SLC44A5: variants seen among roughly 807,000 people sequenced by gnomAD.
SLC44A5 encodes the protein choline transporter-like protein 5.
Under a neutral mutation model 101.8 loss-of-function variants are expected in SLC44A5, and 57 were observed. The observed-to-expected ratio is 0.56, with a 90% CI of 0.45 to 0.70. SLC44A5 has a LOEUF of 0.70. Ranked by LOEUF, SLC44A5 falls within the 30% of genes least tolerant of loss-of-function variation. The probability of loss-of-function intolerance (pLI) is 0.00; values close to 1 mark genes in which losing one functional copy is unlikely to be tolerated. For missense variants in SLC44A5, 737 were observed against 853.1 expected, an observed-to-expected ratio of 0.86 and a Z score of 1.70; for synonymous variants, 281 against 290.9, an observed-to-expected ratio of 0.97 and a Z score of 0.35.
intron 4 of SLC44A5, among the ~76,000 whole-genome samples, chr1:75,338,075 T>C (rs1164824241): frequency 3.9e-5 from 6 of 152,184 alleles, no homozygotes; most frequent in African/African-American, 7.2e-5. Context: ...CAACTATGTC[T>C]TCCTGTATTT....
chr1:75,404,248 G>A (rs1341085053), intron 2 of SLC44A5, among the ~76,000 whole-genome samples: 1 of 152,136 alleles, frequency 6.6e-6, no homozygotes, highest in Non-Finnish European at 1.5e-5. Context: ...GTGACCAGGA[G>A]AATGGAACCA....
At chr1:75,702,179 A>C in the SLC44A5 span, among the ~76,000 whole-genome samples, 39,744 of 152,070 alleles carry the variant, frequency 0.26, 6,458 homozygotes, top group East Asian at 0.68. Context: ...ATATGGAACC[A>C]AAAAAGAGCC....
At chr1:75,720,863 G>T in the SLC44A5 span, among the ~76,000 whole-genome samples, 1 of 152,022 alleles carries the variant, frequency 6.6e-6, no homozygotes, top group Non-Finnish European at 1.5e-5. Context: ...GTGGAGCTGG[G>T]GGGGTAGGCG....
At chr1:75,395,157 G>C (rs1480620829) in intron 3 of SLC44A5, among the ~76,000 whole-genome samples, 1 of 152,086 alleles carries the variant, frequency 6.6e-6, no homozygotes, top group Non-Finnish European at 1.5e-5. Flanking sequence ...AACCTTGTGA[G>C]AAAGATGAGG....
In SLC44A5 at chr1:75,261,721, A is replaced by G. The variant is rs538179805; in HGVS notation, c.261-10427T>C. Among the ~76,000 whole-genome samples, 59 of 152,174 alleles carry G rather than the reference A, an allele frequency of 3.9e-4. 1 individual carries two copies. In the South Asian group the frequency reaches 0.012, roughly 32 times the overall value. ...ACCTGGCAGAGACACAACAACAGAA[A>G]TTTCAGGCCAATATCCCTGATGAAC... On this transcript the variant is annotated intron_variant, in intron 6 of 23. Transcript: ENST00000370859.
chr1:75,369,264 T>C (rs955460055), intron 3 of SLC44A5, among the ~76,000 whole-genome samples: 3 of 152,066 alleles, frequency 2.0e-5, no homozygotes, highest in African/African-American at 7.2e-5. Context: ...GCTATCCTCC[T>C]TCCTCAGCCT....
intron 3 of SLC44A5, among the ~76,000 whole-genome samples, chr1:75,360,528 T>C (rs1490615693): frequency 6.6e-6 from 1 of 152,158 alleles, no homozygotes; most frequent in Non-Finnish European, 1.5e-5. Flanking sequence ...TACATTTGGA[T>C]ATCCAGTTTT....
chr1:75,511,580 T>C (rs1669574766), intron 2 of SLC44A5, among the ~76,000 whole-genome samples: 1 of 152,192 alleles, frequency 6.6e-6, no homozygotes, highest in Non-Finnish European at 1.5e-5. Flanking sequence ...ATATTCCCAG[T>C]ACAATTTCAC....
At chr1:75,334,500 T>C (rs1657293569) in intron 4 of SLC44A5, among the ~76,000 whole-genome samples, 1 of 152,140 alleles carries the variant, frequency 6.6e-6, no homozygotes, top group South Asian at 2.1e-4. Flanking sequence ...AGACAAAATC[T>C]GCAAGGTTTT....
At chr1:75,548,379 T>G (rs1671763824) in intron 1 of SLC44A5, among the ~76,000 whole-genome samples, 1 of 152,134 alleles carries the variant, frequency 6.6e-6, no homozygotes, top group South Asian at 2.1e-4. Flanking sequence ...TCTTTTAACT[T>G]TATGAAATTT....
chr1:75,450,729 C>A (rs1471595645), intron 2 of SLC44A5, among the ~76,000 whole-genome samples: 2 of 152,160 alleles, frequency 1.3e-5, no homozygotes, highest in Non-Finnish European at 2.9e-5. Context: ...CCCTCTCCAC[C>A]CCATGCCCAG....
At chr1:75,492,864 G>C (rs527391092) in intron 2 of SLC44A5, among the ~76,000 whole-genome samples, 6 of 152,160 alleles carry the variant, frequency 3.9e-5, no homozygotes, top group Non-Finnish European at 8.8e-5. Flanking sequence ...GATCAATGAT[G>C]TTACTCATCT....
the SLC44A5 span, among the ~76,000 whole-genome samples, chr1:75,654,173 T>C: frequency 2.0e-5 from 3 of 152,192 alleles, no homozygotes; most frequent in East Asian, 1.9e-4. Context: ...TTTCTCCACA[T>C]GAGGAATACA....
intron 5 of SLC44A5, among the ~76,000 whole-genome samples, chr1:75,300,305 C>T (rs532504529): frequency 1.3e-5 from 2 of 152,112 alleles, no homozygotes; most frequent in African/African-American, 2.4e-5. Context: ...ACAACATGAA[C>T]ATAATTAGTT....
chr1:75,540,723 T>C (rs1187220828), intron 2 of SLC44A5, among the ~76,000 whole-genome samples: 2 of 152,180 alleles, frequency 1.3e-5, no homozygotes, highest in Non-Finnish European at 2.9e-5. Context: ...TAGCAAGAGA[T>C]AGATTTACCT....
At chr1:75,683,101 A>G in the SLC44A5 span, among the ~76,000 whole-genome samples, 1 of 151,990 alleles carries the variant, frequency 6.6e-6, no homozygotes, top group Admixed American at 6.6e-5. Flanking sequence ...AAAAGTCAGG[A>G]AACAACAGGT....
In SLC44A5 at chr1:75,433,178, C is replaced by G. The variant is rs182188730; in HGVS notation, c.14-36557G>C. ...TTCTCCTCACTTCACAAATGAGAAG[C>G]AAATGCTCAATAAATATTTATGGAT... On this transcript the variant is annotated intron_variant, in intron 2 of 23. Transcript: ENST00000370859. Among the ~76,000 whole-genome samples, 6 of 152,214 alleles carry G rather than the reference C, an allele frequency of 3.9e-5. No homozygotes were observed. In the East Asian group the frequency reaches 1.2e-3, roughly 29 times the overall value.
intron 4 of SLC44A5, among the ~76,000 whole-genome samples, chr1:75,330,151 G>A (rs199936581): frequency 1.5e-4 from 18 of 117,792 alleles, no homozygotes; most frequent in African/African-American, 4.6e-4. Context: ...ATGCATATAC[G>A]TATATGCATA....
At chr1:75,424,351 G>T (rs1055732554) in intron 2 of SLC44A5, among the ~76,000 whole-genome samples, 1 of 152,100 alleles carries the variant, frequency 6.6e-6, no homozygotes, top group Non-Finnish European at 1.5e-5. Flanking sequence ...TGTCACCCAG[G>T]CTGGAGTGCA....
Sources: allele counts gnomAD v4.1 joint callset (sites outside exome capture counted in the v4.1 genomes callset), GRCh38; gene constraint gnomAD v4.1.1; transcripts MANE v1.5; gene names NCBI Gene and HGNC (gene_info 2026-07-23, HGNC 2026-07-21).